MSRA: variants seen among roughly 807,000 people sequenced by gnomAD.
MSRA encodes methionine sulfoxide reductase A.
Under a neutral mutation model 31.3 loss-of-function variants are expected in MSRA, and 54 were observed. That is an observed-to-expected ratio of 1.73 (90% CI 1.39 to 2.17). MSRA has a LOEUF of 2.17. Ranked by LOEUF, MSRA falls within the 30% of genes most tolerant of loss-of-function variation. The pLI, the probability that MSRA is intolerant of heterozygous loss-of-function variation, is 0.00. For synonymous variants in MSRA, 169 were observed against 116.5 expected, an observed-to-expected ratio of 1.45 and a Z score of -2.90; for missense variants, 507 against 300.9, an observed-to-expected ratio of 1.69 and a Z score of -5.07.
At chr8:10,139,488 T>C (rs148781376) in intron 1 of MSRA, among the ~76,000 whole-genome samples, 1 of 152,298 alleles carries the variant, frequency 6.6e-6, no homozygotes, top group East Asian at 1.9e-4. Flanking sequence ...CAGTGTGCAT[T>C]GTATCCATTA....
chr8:10,386,257 A>C (rs1218078865), intron 5 of MSRA, among the ~76,000 whole-genome samples: 2 of 152,216 alleles, frequency 1.3e-5, no homozygotes, highest in African/African-American at 4.8e-5. Context: ...CAAGTGGAAG[A>C]AACATTGGAA....
chr8:10,368,653 A>C (rs140442624), intron 5 of MSRA, among the ~76,000 whole-genome samples: 2 of 152,258 alleles, frequency 1.3e-5, no homozygotes, highest in African/African-American at 4.8e-5. Context: ...CTGTTCCACA[A>C]TGAAAGATAA....
In MSRA at chr8:10,284,917, C is replaced by G. The variant is rs191531440; in HGVS notation, c.332-16617C>G. ...TGCCACTATTATTATCAAATGATCT[C>G]TAGTTTTGCATCTTCAAAATCTAGT... On this transcript the variant is annotated intron_variant, in intron 3 of 5. Transcript: ENST00000317173. Among the ~76,000 whole-genome samples the G allele has an allele frequency of 2.7e-4, 41 of 151,988 alleles. 1 individual carries two copies. Among genetic ancestry groups the G allele is most frequent in the African/African-American group, 9.4e-4 (39 of 41,452 alleles).
At chr8:10,209,854 C>T (rs1809320781) in intron 2 of MSRA, among the ~76,000 whole-genome samples, 1 of 152,186 alleles carries the variant, frequency 6.6e-6, no homozygotes, top group Non-Finnish European at 1.5e-5. Flanking sequence ...ATAATTTCTA[C>T]AAGTTAACAA....
At chr8:10,285,792 G>T (rs1288064853) in intron 3 of MSRA, among the ~76,000 whole-genome samples, 1 of 151,892 alleles carries the variant, frequency 6.6e-6, no homozygotes, top group African/African-American at 2.4e-5. Context: ...TGTCATCTAA[G>T]CTTATCTATG....
chr8:10,111,707 C>G (rs1335656674), intron 1 of MSRA, among the ~76,000 whole-genome samples: 1 of 152,216 alleles, frequency 6.6e-6, no homozygotes, highest in African/African-American at 2.4e-5. Flanking sequence ...ATGAGAAGAG[C>G]AGTCAAAAGC....
At chr8:10,426,539 C>G (rs1214634489) in intron 5 of MSRA, among the ~76,000 whole-genome samples, 4 of 152,236 alleles carry the variant, frequency 2.6e-5, no homozygotes, top group African/African-American at 9.6e-5. Context: ...AGAATAGCTT[C>G]TTCTTTTACG....
chr8:10,352,389 C>T (rs900376817), intron 5 of MSRA, among the ~76,000 whole-genome samples: 1 of 152,238 alleles, frequency 6.6e-6, no homozygotes, highest in African/African-American at 2.4e-5. Flanking sequence ...AAAGAGTTCT[C>T]CACTGTGCTT....
intron 5 of MSRA, among the ~76,000 whole-genome samples, 200 bp from the exon 6 acceptor site, chr8:10,427,948 C>T (rs1442658459): frequency 6.6e-6 from 1 of 152,232 alleles, no homozygotes; most frequent in Non-Finnish European, 1.5e-5. Flanking sequence ...ATTTCAGTTC[C>T]CAGTCAACTG....
intron 5 of MSRA, among the ~76,000 whole-genome samples, chr8:10,334,347 T>A (rs1802892994): frequency 6.6e-6 from 1 of 152,064 alleles, no homozygotes; most frequent in African/African-American, 2.4e-5. Flanking sequence ...AGGGCCTTTG[T>A]TGTTCTGGCA....
chr8:10,142,574 A>G (rs971431887), intron 1 of MSRA, among the ~76,000 whole-genome samples: 1 of 152,240 alleles, frequency 6.6e-6, no homozygotes, highest in African/African-American at 2.4e-5. Flanking sequence ...GGAAGGAGGA[A>G]TATTAAATAT....
rs572084664 is a variant in MSRA at position 10,139,437 on chromosome 8, G to A, written c.143-68396G>A. On this transcript the variant is annotated intron_variant, in intron 1 of 5. Coordinates refer to ENST00000317173, the MANE Select transcript of MSRA (RefSeq NM_012331.5). ...CAGTTTTGTTACATGGATCTGTTGC[G>A]TAGTGGTGAAGCCTGGGCTTTACTG... 3.9e-5 allele frequency among the ~76,000 whole-genome samples: 6 copies of A among 152,290 alleles called. No homozygotes were observed. In the East Asian group the frequency reaches 5.8e-4, roughly 15 times the overall value.
chr8:10,369,992 G>T (rs1805388164), intron 5 of MSRA, among the ~76,000 whole-genome samples: 1 of 152,194 alleles, frequency 6.6e-6, no homozygotes, highest in Admixed American at 6.5e-5. Context: ...TGGCATGCAT[G>T]TTCTGTTCAT....
chr8:10,252,348 A>G (rs1394651448), intron 3 of MSRA, among the ~76,000 whole-genome samples: 2 of 152,154 alleles, frequency 1.3e-5, no homozygotes, highest in Admixed American at 6.5e-5. Context: ...TGGAGTGGGA[A>G]ATGTTAAGAT....
At chr8:10,204,480 A>G (rs530900114) in intron 1 of MSRA, among the ~76,000 whole-genome samples, 4 of 152,304 alleles carry the variant, frequency 2.6e-5, no homozygotes, top group East Asian at 3.9e-4. Flanking sequence ...ATAGATATCT[A>G]GATCACAAAT....
At chr8:10,328,027 AT>A (rs35940076) in intron 5 of MSRA, among the ~76,000 whole-genome samples, 13 of 65,334 alleles carry the variant, frequency 2.0e-4, no homozygotes, top group African/African-American at 7.1e-4. Context: ...CTCTATGGTA[AT>A]TTTTTTTTTT....
At chr8:10,218,425 G>A (rs1810195527) in intron 2 of MSRA, among the ~76,000 whole-genome samples, 1 of 152,134 alleles carries the variant, frequency 6.6e-6, no homozygotes, top group Admixed American at 6.5e-5. Flanking sequence ...GATTACAGGT[G>A]TGAGCCACTG....
At chr8:10,151,868 G>C (rs1274378833) in intron 1 of MSRA, among the ~76,000 whole-genome samples, 1 of 152,148 alleles carries the variant, frequency 6.6e-6, no homozygotes, top group Non-Finnish European at 1.5e-5. Context: ...AAAGGCCAAG[G>C]TCATTTAAAA....
chr8:10,384,363 G>A (rs1806257502), intron 5 of MSRA, among the ~76,000 whole-genome samples: 1 of 152,196 alleles, frequency 6.6e-6, no homozygotes, highest in Non-Finnish European at 1.5e-5. Context: ...TCCTGCCTTT[G>A]GAGCAGATAT....
Sources: allele counts gnomAD v4.1 joint callset (sites outside exome capture counted in the v4.1 genomes callset), GRCh38; gene constraint gnomAD v4.1.1; transcripts MANE v1.5; gene names NCBI Gene and HGNC (gene_info 2026-07-23, HGNC 2026-07-21).